SLC24A2: variants seen among roughly 807,000 people sequenced by gnomAD.
The protein encoded by SLC24A2 is solute carrier family 24 member 2.
In SLC24A2, 36 loss-of-function variants were observed where a neutral mutation model predicts 62.0. The ratio of observed to expected loss-of-function variants is 0.58; its 90% CI spans 0.44 to 0.77. SLC24A2 has a LOEUF of 0.77. Ranked by LOEUF, SLC24A2 falls within the 30% of genes least tolerant of loss-of-function variation. SLC24A2 has a pLI of 0.00. For synonymous variants in SLC24A2, 358 were observed against 294.0 expected (o/e 1.22, Z -2.23); for missense variants, 846 against 817.9 (o/e 1.03, Z -0.42).
At chr9:20,259,797 G>C in the SLC24A2 span, among the ~76,000 whole-genome samples, 41 of 152,294 alleles carry the variant, frequency 2.7e-4, no homozygotes, top group Middle Eastern at 0.01. Context: ...AGTATTAAGA[G>C]GTAAGACCTA....
the SLC24A2 span, among the ~76,000 whole-genome samples, chr9:20,163,009 C>T: frequency 6.6e-6 from 1 of 152,086 alleles, no homozygotes; most frequent in East Asian, 1.9e-4. Context: ...CTATGACAAA[C>T]TCACAGCCAA....
At chr9:19,670,240 G>A (rs976169504) in intron 2 of SLC24A2, among the ~76,000 whole-genome samples, 3 of 152,100 alleles carry the variant, frequency 2.0e-5, no homozygotes, top group Admixed American at 6.6e-5. Flanking sequence ...AAGGTCATGG[G>A]GAGACATGTT....
At chr9:19,973,204 G>GCTACCA in the SLC24A2 span, among the ~76,000 whole-genome samples, 3 of 152,284 alleles carry the variant, frequency 2.0e-5, no homozygotes, top group Admixed American at 1.3e-4. Flanking sequence ...TCAAAATGAT[G>GCTACCA]CTACCAGTGT....
chr9:19,787,916 T>C (rs923124195), intron 1 of SLC24A2, among the ~76,000 whole-genome samples: 4 of 152,178 alleles, frequency 2.6e-5, no homozygotes, highest in Non-Finnish European at 1.5e-5. Context: ...CCACTGACTT[T>C]AATAGGTTAG....
chr9:20,030,516 G>A, the SLC24A2 span, among the ~76,000 whole-genome samples: 191 of 152,166 alleles, frequency 1.3e-3, 1 homozygote, highest in Admixed American at 2.4e-3. Flanking sequence ...GCACCAATAC[G>A]GTGAGCCAGT....
chr9:19,986,282 G>A, the SLC24A2 span, among the ~76,000 whole-genome samples: 9 of 152,110 alleles, frequency 5.9e-5, no homozygotes, highest in Admixed American at 2.6e-4. Context: ...AAGTATAAGT[G>A]AAAATGTGGA....
At chr9:20,163,795 T>C in the SLC24A2 span, among the ~76,000 whole-genome samples, 2 of 151,996 alleles carry the variant, frequency 1.3e-5, no homozygotes, top group African/African-American at 2.4e-5. Flanking sequence ...TATAGACCAA[T>C]GGAACAGAAC....
At chr9:20,103,369 G>C in the SLC24A2 span, among the ~76,000 whole-genome samples, 5 of 152,224 alleles carry the variant, frequency 3.3e-5, no homozygotes, top group African/African-American at 4.8e-5. Context: ...TGCAGCTGGA[G>C]ATCTGAGAAC....
intron 9 of SLC24A2, among the ~76,000 whole-genome samples, chr9:19,522,140 C>T (rs1338842653): frequency 1.3e-5 from 2 of 152,162 alleles, no homozygotes; most frequent in Non-Finnish European, 2.9e-5. Flanking sequence ...TTCAGAGTAG[C>T]TGGGACCACA....
the SLC24A2 span, among the ~76,000 whole-genome samples, chr9:20,027,249 C>T: frequency 6.6e-6 from 1 of 151,898 alleles, no homozygotes; most frequent in South Asian, 2.1e-4. Context: ...GGGAAGTTTC[C>T]CCAATATTAA....
At chr9:20,163,578 T>C in the SLC24A2 span, among the ~76,000 whole-genome samples, 33,031 of 152,024 alleles carry the variant, frequency 0.22, 5,265 homozygotes, top group East Asian at 0.73. Context: ...ACAGATTCAA[T>C]GCCATCCCCA....
At chr9:19,886,888 C>A in the SLC24A2 span, among the ~76,000 whole-genome samples, 1 of 152,168 alleles carries the variant, frequency 6.6e-6, no homozygotes, top group Admixed American at 6.6e-5. Flanking sequence ...AGGAATGAGA[C>A]CATGTCCTTT....
At chr9:20,103,830 C>T in the SLC24A2 span, among the ~76,000 whole-genome samples, 195 of 152,006 alleles carry the variant, frequency 1.3e-3, no homozygotes, top group Non-Finnish European at 2.1e-3. Flanking sequence ...TCACCAGCAA[C>T]GGAACAAAGC....
chr9:20,079,743 G>C, the SLC24A2 span, among the ~76,000 whole-genome samples: 3 of 152,164 alleles, frequency 2.0e-5, no homozygotes, highest in Non-Finnish European at 4.4e-5. Flanking sequence ...TCTGTTAGTG[G>C]TGTATAAGAA....
intron 4 of SLC24A2, among the ~76,000 whole-genome samples, chr9:19,597,936 C>G (rs1836742949): frequency 6.6e-6 from 1 of 152,120 alleles, no homozygotes; most frequent in Non-Finnish European, 1.5e-5. Context: ...GCATTGGTGG[C>G]TGCTATGTAA....
At chr9:20,143,567 T>C in the SLC24A2 span, among the ~76,000 whole-genome samples, 1 of 152,188 alleles carries the variant, frequency 6.6e-6, no homozygotes, top group South Asian at 2.1e-4. Context: ...CTGTGTTTTA[T>C]ACTTTTCTCC....
At chr9:19,918,598 G>A in the SLC24A2 span, among the ~76,000 whole-genome samples, 99 of 152,172 alleles carry the variant, frequency 6.5e-4, no homozygotes, top group East Asian at 0.015. Flanking sequence ...GCAGGCTGAG[G>A]TTGTCTGTCT....
the SLC24A2 span, among the ~76,000 whole-genome samples, chr9:20,198,113 G>A: frequency 6.6e-6 from 1 of 152,218 alleles, no homozygotes; most frequent in Non-Finnish European, 1.5e-5. Context: ...CACACCAGAT[G>A]TGATCCCCAG....
At chr9:20,016,837 G>A in the SLC24A2 span, among the ~76,000 whole-genome samples, 1 of 152,118 alleles carries the variant, frequency 6.6e-6, no homozygotes, top group African/African-American at 2.4e-5. Flanking sequence ...CAGAAGGCAG[G>A]AAGGAGGGGC....
Sources: allele counts gnomAD v4.1 joint callset (sites outside exome capture counted in the v4.1 genomes callset), GRCh38; gene constraint gnomAD v4.1.1; transcripts MANE v1.5; gene names NCBI Gene and HGNC (gene_info 2026-07-23, HGNC 2026-07-21).